MGAT5B: variants seen among roughly 807,000 people sequenced by gnomAD.
MGAT5B encodes alpha-1,6-mannosylglycoprotein 6-beta-N-acetylglucosaminyltransferase B, also known as N-acetylglucosaminyl-transferase Vb.
MGAT5B carries 54 observed loss-of-function variants against 95.1 expected under a neutral mutation model. That is an observed-to-expected ratio of 0.57 (90% confidence interval 0.46 to 0.71). MGAT5B has a LOEUF of 0.71. Ranked by LOEUF, MGAT5B falls within the 30% of genes least tolerant of loss-of-function variation. The pLI, the probability that MGAT5B is intolerant of heterozygous loss-of-function variation, is 0.00. For missense variants in MGAT5B, 935 were observed against 1,088.6 expected (o/e 0.86, Z 1.99); for synonymous variants, 464 against 451.0 (o/e 1.03, Z -0.36).
intron 2 of MGAT5B, among the ~76,000 whole-genome samples, chr17:76,879,200 G>A (rs1390038049): frequency 3.9e-5 from 6 of 152,328 alleles, no homozygotes; most frequent in Non-Finnish European, 4.4e-5. Context: ...GGGCTCAGGC[G>A]ATAGGCAGGG....
Position 76,916,339 on chromosome 17 carries a change from T to C in MGAT5B, c.1026-8627T>C, listed in dbSNP as rs567127993. Among the ~76,000 whole-genome samples, 10 of 152,314 alleles carry C rather than the reference T, an allele frequency of 6.6e-5. No individual in the cohort carries two copies. In the East Asian group the frequency reaches 1.7e-3, roughly 26 times the overall value. On this transcript the variant is annotated intron_variant, in intron 8 of 17. Transcript: ENST00000569840. This position sits in a 1 kb window ranked among gnomAD's most constrained non-coding sequence, Gnocchi z 5.3. The stretch of plus-strand genomic sequence containing the variant: ...CCGGCCAAGTCTGAACATTGACCAA[T>C]AAGCAAGACCGATGGAGGCCGTGCC...
At chr17:76,871,902 T>C (rs1042428726) in intron 1 of MGAT5B, among the ~76,000 whole-genome samples, 1 of 152,182 alleles carries the variant, frequency 6.6e-6, no homozygotes, top group African/African-American at 2.4e-5. Context: ...CTAGGATTGA[T>C]GAGGGAAGCA....
intron 3 of MGAT5B, among the ~76,000 whole-genome samples, chr17:76,882,705 C>CTTTTTTT (rs763528809): frequency 1.4e-5 from 1 of 70,178 alleles, no homozygotes; most frequent in African/African-American, 7.7e-5. Context: ...TCCACTGCCC[C>CTTTTTTT]TTTTTTTTTT....
intron 3 of MGAT5B, among the ~76,000 whole-genome samples, chr17:76,891,572 G>T (rs1351863436): frequency 6.6e-6 from 1 of 152,160 alleles, no homozygotes; most frequent in Non-Finnish European, 1.5e-5. Context: ...TAGAGTCAGG[G>T]TTTCACCATG....
chr17:76,877,531 C>T (rs941904357), intron 2 of MGAT5B, among the ~76,000 whole-genome samples: 1 of 151,994 alleles, frequency 6.6e-6, no homozygotes, highest in African/African-American at 2.4e-5. Context: ...TACTAAGGGG[C>T]CCTGGGGCTC....
chr17:76,945,779 T>C (rs1970009760), intron 15 of MGAT5B, among the ~76,000 whole-genome samples: 1 of 152,200 alleles, frequency 6.6e-6, no homozygotes, highest in Non-Finnish European at 1.5e-5. Context: ...TCCATGACTA[T>C]TTCCTGAGCA....
chr17:76,912,373 T>G lies in MGAT5B; in HGVS notation c.1025+6186T>G, dbSNP rs989177210. ...CCTCTCAGCCCTGGGAGCCGTTCTG[T>G]GGGAGCAGCACCAGGTTAATTTGAA... On this transcript the variant is annotated intron_variant, in intron 8 of 17. Coordinates refer to ENST00000569840, the MANE Select transcript of MGAT5B (RefSeq NM_001199172.2). This position sits in a 1 kb window ranked among gnomAD's most constrained non-coding sequence, Gnocchi z 5.0. 9.9e-5 allele frequency among the ~76,000 whole-genome samples: 15 copies of G among 152,118 alleles called. No homozygotes were observed. The highest frequency in any genetic ancestry group is 3.6e-4 in the African/African-American group (15 of 41,428).
At position 76,940,342 on chromosome 17, in the gene MGAT5B, G is replaced by T. The variant is rs577609022; in HGVS notation, c.1585-60G>T. 95 of 1,500,516 alleles carry T rather than the reference G, an allele frequency of 6.3e-5. No homozygotes were observed. Among genetic ancestry groups the T allele is most frequent in the Non-Finnish European group, 8.1e-5 (91 of 1,124,498 alleles). 93.0% of individuals were successfully genotyped at this position (1,500,516 alleles called of 1,614,324 possible). A position where few individuals can be genotyped will look rare whatever the true frequency, so the allele number is the denominator to read the frequency against. Reference sequence around the variant, plus strand: ...GCCTCACCTTGTCCCCGGCATCCTGGTGCTTACTGGGCTGTGGCGGCCCAG... The same window carrying T: ...GCCTCACCTTGTCCCCGGCATCCTGTTGCTTACTGGGCTGTGGCGGCCCAG... On this transcript the variant is annotated intron_variant, in intron 13 of 17. Transcript: ENST00000569840. This position sits in a 1 kb window ranked among gnomAD's most constrained non-coding sequence, Gnocchi z 4.3.
intron 11 of MGAT5B, 107 bp from the exon 12 acceptor site, chr17:76,933,185 G>A: frequency 4.2e-6 from 6 of 1,436,332 alleles, no homozygotes; most frequent in Non-Finnish European, 5.8e-6. Context: ...CATCTTCAGG[G>A]TTGGGGGCCC....
At chr17:76,874,941 A>G (rs1568161048) in intron 2 of MGAT5B, among the ~76,000 whole-genome samples, 1 of 152,134 alleles carries the variant, frequency 6.6e-6, no homozygotes, top group East Asian at 1.9e-4. Context: ...TCGTGTGTAC[A>G]TGTGCATGTG....
chr17:76,923,109 C>T (rs749202826), intron 8 of MGAT5B, among the ~76,000 whole-genome samples: 3 of 152,174 alleles, frequency 2.0e-5, no homozygotes, highest in African/African-American at 2.4e-5. Flanking sequence ...CCACTTTGGA[C>T]GGTGTGCTAA....
chr17:76,913,658 G>A lies in MGAT5B; in HGVS notation c.1025+7471G>A, dbSNP rs201138834. On this transcript the variant is annotated intron_variant, in intron 8 of 17. Coordinates refer to ENST00000569840, the MANE Select transcript of MGAT5B (RefSeq NM_001199172.2). ...ACTTGGGAAATATCAACACAGAAAG[G>A]CCTCTTACAGGCAAAGGAGACTGAG... The A allele has an allele frequency of 6.9e-4, 350 of 505,714 alleles. 2 individuals are homozygous for A. The highest frequency in any genetic ancestry group is 5.7e-3 in the Middle Eastern group (18 of 3,134). 31.3% of individuals were successfully genotyped at this position (505,714 alleles called of 1,614,324 possible).
intron 3 of MGAT5B, among the ~76,000 whole-genome samples, chr17:76,900,949 G>A (rs1455735765): frequency 6.6e-6 from 1 of 151,486 alleles, no homozygotes; most frequent in Non-Finnish European, 1.5e-5. Context: ...GTGTGTGAGT[G>A]TGTGCGTGTG....
Position 76,905,142 on chromosome 17 carries a change from A to C in MGAT5B, c.691-27A>C. ...TGATGGTGGCCGCAGGTTGAGGGGC[A>C]GAGAGCTGAGGTCTGGACCCCTCCA... On this transcript the variant is annotated intron_variant, in intron 6 of 17. Transcript: ENST00000569840. The surrounding 1 kb of genome is among the most constrained non-coding windows in gnomAD (Gnocchi z 4.2). 1 of 1,579,726 alleles carries C rather than the reference A, an allele frequency of 6.3e-7. No individual in the cohort carries two copies. The highest frequency in any genetic ancestry group is 8.6e-7 in the Non-Finnish European group (1 of 1,156,330).
Position 76,889,898 on chromosome 17 carries a change from C to T in MGAT5B, c.329+7600C>T, listed in dbSNP as rs1258953952. Among the ~76,000 whole-genome samples, 2 of 152,204 alleles carry T rather than the reference C, an allele frequency of 1.3e-5. No homozygotes were observed. The highest frequency in any genetic ancestry group is 3.9e-4 in the East Asian group (2 of 5,186). On this transcript the variant is annotated intron_variant, in intron 3 of 17. Transcript: ENST00000569840. This position sits in a 1 kb window ranked among gnomAD's most constrained non-coding sequence, Gnocchi z 4.4. ...TGCCGGGCTGGGAGGGAGGTGGGACCCTTCAGGCTGCAAGTATGTCCTGTT... is the reference window on the plus strand; with the variant it reads ...TGCCGGGCTGGGAGGGAGGTGGGACTCTTCAGGCTGCAAGTATGTCCTGTT...
chr17:76,945,813 C>A (rs952696472), intron 15 of MGAT5B, among the ~76,000 whole-genome samples: 1 of 152,226 alleles, frequency 6.6e-6, no homozygotes, highest in Non-Finnish European at 1.5e-5. Context: ...AGGCACTGTG[C>A]CAGGCACTGG....
chr17:76,928,344 T>C (rs2145246805), intron 10 of MGAT5B, among the ~76,000 whole-genome samples: 1 of 152,236 alleles, frequency 6.6e-6, no homozygotes, highest in Non-Finnish European at 1.5e-5. Flanking sequence ...GAGGAAATGA[T>C]GGTGCTCCGG....
intron 10 of MGAT5B, among the ~76,000 whole-genome samples, chr17:76,931,635 G>A (rs1969478573): frequency 7.7e-6 from 1 of 130,496 alleles, no homozygotes; most frequent in African/African-American, 2.7e-5. Flanking sequence ...TGATTGTCGG[G>A]CGGACTTTGG....
In MGAT5B at chr17:76,869,834, G is replaced by C. The variant is rs1966933451; in HGVS notation, c.68+737G>C. 1.3e-5 allele frequency among the ~76,000 whole-genome samples: 2 copies of C among 152,106 alleles called. No individual in the cohort carries two copies. Among genetic ancestry groups the C allele is most frequent in the Non-Finnish European group, 2.9e-5 (2 of 67,980 alleles). On this transcript the variant is annotated intron_variant, in intron 1 of 17. Transcript: ENST00000569840. This position sits in a 1 kb window ranked among gnomAD's most constrained non-coding sequence, Gnocchi z 7.0. Reference sequence around the variant, plus strand: ...ACACCTGGGGGCCCAGGCCAGGCAGGGCTGGGGCCGCGCGGGACTCACTGG... The same window carrying C: ...ACACCTGGGGGCCCAGGCCAGGCAGCGCTGGGGCCGCGCGGGACTCACTGG...
Sources: gnomAD v4.1 joint callset for allele counts (sites outside exome capture counted in the v4.1 genomes callset) on GRCh38, gnomAD v4.1.1 for gene constraint, Gnocchi (gnomAD v3.1) non-coding constraint, MANE v1.5 for transcripts, NCBI Gene and HGNC (gene_info 2026-07-23, HGNC 2026-07-21) for gene names.